The following PLAUR variants were observed in gnomAD, a reference collection of about 807,000 sequenced individuals.
The protein encoded by PLAUR is plasminogen activator, urokinase receptor, also known as urokinase plasminogen activator surface receptor.
In PLAUR, 22 loss-of-function variants were observed where a neutral mutation model predicts 33.4. The observed-to-expected ratio is 0.66, with a 90% confidence interval of 0.47 to 0.94. The LOEUF (loss-of-function observed/expected upper bound fraction) is 0.94. PLAUR is among the 40% of genes least tolerant of loss of function. The pLI, the probability that PLAUR is intolerant of heterozygous loss-of-function variation, is 0.00. For synonymous variants in PLAUR, 148 were observed against 167.3 expected, an observed-to-expected ratio of 0.88 and a Z score of 0.89; for missense variants, 408 against 434.7, an observed-to-expected ratio of 0.94 and a Z score of 0.55.
At chr19:43,655,704 G>T in intron 4 of PLAUR, 131 bp from the exon 5 acceptor site, 1 of 793,588 alleles carries the variant, frequency 1.3e-6, no homozygotes, top group Non-Finnish European at 2.0e-6. Flanking sequence ...ATTTTATCTA[G>T]AACAGTCATA....
intron 3 of PLAUR, among the ~76,000 whole-genome samples, chr19:43,659,167 C>CCTTTTTTTTT (rs1713771038): frequency 1.0e-5 from 1 of 97,138 alleles, no homozygotes. Flanking sequence ...CTTTTCTTTT[C>CCTTTTTTTTT]TTTTTTTTTT....
chr19:43,665,511 C>G, intron 2 of PLAUR, 52 bp from the exon 3 acceptor site: 3 of 1,591,030 alleles, frequency 1.9e-6, no homozygotes, highest in Non-Finnish European at 2.6e-6. Context: ...GCTCAACCAG[C>G]CTCTGACACT....
chr19:43,655,692 T>A, intron 4 of PLAUR, 119 bp from the exon 5 acceptor site: 1 of 844,366 alleles, frequency 1.2e-6, no homozygotes. Flanking sequence ...CATAAGACCC[T>A]CATTTTATCT....
chr19:43,662,952 A>C (rs1360577363), intron 3 of PLAUR, among the ~76,000 whole-genome samples: 1 of 152,208 alleles, frequency 6.6e-6, no homozygotes, highest in East Asian at 1.9e-4. Flanking sequence ...GGGCCTCCCA[A>C]AGTGTTGGGA....
At chr19:43,650,277 G>A (rs1973942617) in intron 6 of PLAUR, among the ~76,000 whole-genome samples, 1 of 150,976 alleles carries the variant, frequency 6.6e-6, no homozygotes, top group African/African-American at 2.4e-5. Flanking sequence ...CCAAAGTGCT[G>A]GTATTACAGG....
At chr19:43,664,980 G>A (rs1967164685) in intron 3 of PLAUR, 1 of 316,726 alleles carries the variant, frequency 3.2e-6, no homozygotes. Flanking sequence ...TGTCGTTGGG[G>A]TGGGGATTTG....
rs1974230833 is a variant in PLAUR, at chr19:43,656,726, C to T, written c.311-86G>A. 2.8e-6 allele frequency: 3 copies of T among 1,089,070 alleles called. No homozygotes were observed. In the Admixed American group the frequency reaches 7.8e-5, roughly 28 times the overall value. 67.5% of individuals were successfully genotyped at this position (1,089,070 alleles called of 1,614,324 possible). A position where few individuals can be genotyped will look rare whatever the true frequency, so the allele number is the denominator to read the frequency against. On this transcript the variant is annotated intron_variant, in intron 3 of 6. Coordinates refer to ENST00000340093, the MANE Select transcript of PLAUR (RefSeq NM_002659.4). Reference sequence around the variant, plus strand: ...TGCAAGGACTCACTCAAAATCAATTCCTCCTTATCCCACCCTGCAGCCAGT... The same window carrying T: ...TGCAAGGACTCACTCAAAATCAATTTCTCCTTATCCCACCCTGCAGCCAGT...
intron 6 of PLAUR, among the ~76,000 whole-genome samples, chr19:43,651,031 C>CA (rs747441567): frequency 0.093 from 7,916 of 85,228 alleles, 228 homozygotes; most frequent in Middle Eastern, 0.32. Flanking sequence ...GACTCCATTT[C>CA]AAAAAAAAAA....
At chr19:43,651,403 T>C (rs1973988204) in intron 6 of PLAUR, among the ~76,000 whole-genome samples, 1 of 151,196 alleles carries the variant, frequency 6.6e-6, no homozygotes, top group South Asian at 2.1e-4. Context: ...ATGTGGCATT[T>C]ATCTATAGAA....
chr19:43,652,328 G>A lies in PLAUR; in HGVS notation c.651C>T (p.Tyr217=), dbSNP rs777959747. The A allele has an allele frequency of 3.2e-5, 51 of 1,614,018 alleles. No individual in the cohort carries two copies. The highest frequency in any genetic ancestry group is 3.4e-5 in the Non-Finnish European group (40 of 1,179,996). Residue 217 remains tyrosine, a synonymous_variant, in exon 6 of 7, where the codon TAC becomes TAT. Transcript: ENST00000340093. ...CATGGGTGCTGTTCCCCTTGCAGCT[G>A]TAACACTGGCGGCCATTCTGCGGCA... ...ENLPQNGRQC[Y]SCKGNSTHGC... is the part of the protein sequence containing the mutation.
At chr19:43,649,253 G>A (rs1973891880) in intron 6 of PLAUR, 110 bp from the exon 7 acceptor site, 1 of 1,260,912 alleles carries the variant, frequency 7.9e-7, no homozygotes, top group Non-Finnish European at 1.1e-6. Context: ...CTACCACCTA[G>A]AGAAAGCAGC....
intron 3 of PLAUR, among the ~76,000 whole-genome samples, chr19:43,656,997 G>A (rs4251945): frequency 0.014 from 2,115 of 146,176 alleles, 25 homozygotes; most frequent in Non-Finnish European, 0.019. Context: ...AGGCTGGAAC[G>A]CAGTGGCACC....
At chr19:43,651,723 A>T in intron 6 of PLAUR, 1 of 855,924 alleles carries the variant, frequency 1.2e-6, no homozygotes, top group Non-Finnish European at 1.4e-6. Context: ...GGCGTGAGCC[A>T]CCACACCTGG....
In PLAUR at chr19:43,649,143, T is replaced by A. The variant is rs776986563; in HGVS notation, c.755A>T (p.Glu252Val). 2.5e-6 allele frequency: 4 copies of A among 1,603,650 alleles called. No homozygotes were observed. Among genetic ancestry groups the A allele is most frequent in the Non-Finnish European group, 3.4e-6 (4 of 1,171,028 alleles). The part of the protein sequence containing the change: ...NQCLVATGTH[E>V]PKNQSYMVRG... ...TACCATATAGCTTTGGTTTTTCGGT[T>A]CTGAGGAAAGAGAAGACGGAGTGAG... The change falls in exon 7 of 7, where the codon GAA becomes GTA. Residue 252 changes from glutamate (E) to valine (V), a missense_variant and splice_region_variant. Transcript: ENST00000340093.
chr19:43,646,627 T>G, downstream of PLAUR: 1 of 696,078 alleles, frequency 1.4e-6, no homozygotes, highest in Non-Finnish European at 2.7e-6. Context: ...TCCACCACAT[T>G]CTACTGGTCA....
In PLAUR at chr19:43,665,371, G is replaced by A; in HGVS notation, c.255C>T (p.Ile85=). Residue 85 remains isoleucine (I), a synonymous_variant, in exon 3 of 7, where the codon ATC becomes ATT. Coordinates refer to ENST00000340093, the MANE Select transcript of PLAUR (RefSeq NM_002659.4). ...RTLSYRTGLK[I]TSLTEVVCGL... ...CACACACAACCTCGGTAAGGCTGGT[G>A]ATCTTCAAGCCAGTCCGATAGCTCA... The A allele has an allele frequency of 6.2e-7, 1 of 1,613,836 alleles. No homozygotes were observed.
At chr19:43,648,543 A>G, downstream of PLAUR, 1 of 994,948 alleles carries the variant, frequency 1.0e-6, no homozygotes, top group Non-Finnish European at 1.2e-6. Context: ...ATCCTCCCAA[A>G]GATAGACACT....
rs762558158 is a variant in PLAUR, at chr19:43,648,909, C to A, written c.989G>T (p.Gly330Val). 21 of 1,613,636 alleles carry A rather than the reference C, an allele frequency of 1.3e-5. No homozygotes were observed. The highest frequency in any genetic ancestry group is 1.8e-5 in the Non-Finnish European group (21 of 1,179,794). Residue 330 changes from glycine to valine, a missense_variant, in exon 7 of 7, where the codon GGC becomes GTC. Transcript: ENST00000340093. ...TLLMTARLWG[G>V]TLLWT ...TCAGGTTTAGGTCCAGAGGAGAGTG[C>A]CTCCCCACAGTCTGGCAGTCATTAG... is the stretch of plus-strand genomic sequence containing the variant.
At chr19:43,660,153 C>CGTTTT (rs10524578) in intron 3 of PLAUR, among the ~76,000 whole-genome samples, 13,470 of 148,264 alleles carry the variant, frequency 0.091, 716 homozygotes, top group African/African-American at 0.14. Flanking sequence ...CAGAGTCTTG[C>CGTTTT]GTTTTGTTTT....
Sources: allele counts gnomAD v4.1 joint callset (sites outside exome capture counted in the v4.1 genomes callset), GRCh38; gene constraint gnomAD v4.1.1; transcripts MANE v1.5; gene names NCBI Gene and HGNC (gene_info 2026-07-23, HGNC 2026-07-21).